Variants in PRIM2 observed in about 807,000 individuals in gnomAD.
PRIM2 encodes the protein DNA primase subunit 2, also known as DNA primase large subunit.
In PRIM2, 39 loss-of-function variants were observed where a neutral mutation model predicts 67.3. That is an observed-to-expected ratio of 0.58 (90% CI 0.45 to 0.76). PRIM2 has a LOEUF of 0.76. Among genes scored for constraint, PRIM2 ranks in the 30% least tolerant of loss-of-function variants. The probability of loss-of-function intolerance (pLI) is 0.00; values close to 1 mark genes in which losing one functional copy is unlikely to be tolerated. For missense variants in PRIM2, 398 were observed against 598.7 expected (o/e 0.66, Z 3.50); for synonymous variants, 143 against 198.7 (o/e 0.72, Z 2.36).
At position 57,568,790 on chromosome 6, in the gene PRIM2, A is replaced by G. The variant is rs1450323539; in HGVS notation, c.1020+31165A>G. On this transcript the variant is annotated intron_variant, in intron 10 of 13. Coordinates refer to ENST00000615550, the MANE Select transcript of PRIM2 (RefSeq NM_000947.5). ...CTTTGCTACAAATACATGCGTTTTC[A>G]ACTATGCTGGTTAAAGCCTGAGCAT... 4.3e-3 allele frequency among the ~76,000 whole-genome samples: 659 copies of G among 152,326 alleles called. 3 individuals are homozygous for G. The highest frequency in any genetic ancestry group is 0.014 in the African/African-American group (598 of 41,556).
At chr6:57,563,893 T>C (rs1260186985) in intron 10 of PRIM2, among the ~76,000 whole-genome samples, 1 of 152,192 alleles carries the variant, frequency 6.6e-6, no homozygotes, top group Non-Finnish European at 1.5e-5. Flanking sequence ...ACTCCTGCTC[T>C]GGTGATCCAC....
intron 7 of PRIM2, among the ~76,000 whole-genome samples, chr6:57,395,607 G>A (rs887495171): frequency 1.7e-4 from 26 of 152,042 alleles, no homozygotes; most frequent in East Asian, 3.9e-4. Context: ...CTTTTGAAAG[G>A]ACCAGCTTTT....
At chr6:57,629,705 G>A (rs1167612448) in intron 12 of PRIM2, among the ~76,000 whole-genome samples, 2 of 148,188 alleles carry the variant, frequency 1.3e-5, no homozygotes, top group Admixed American at 1.3e-4. Context: ...TTTCCAATCT[G>A]TTCCCAGCAC....
the PRIM2 span, among the ~76,000 whole-genome samples, chr6:57,226,289 T>C: frequency 6.6e-6 from 1 of 152,212 alleles, no homozygotes; most frequent in African/African-American, 2.4e-5. Context: ...GGAGCCCTAA[T>C]TTATGTTGGA....
chr6:57,431,742 T>C (rs1771837951), intron 7 of PRIM2, among the ~76,000 whole-genome samples: 1 of 152,188 alleles, frequency 6.6e-6, no homozygotes, highest in Non-Finnish European at 1.5e-5. Context: ...GATACTTTCA[T>C]AGAAAAGCTG....
intron 7 of PRIM2, among the ~76,000 whole-genome samples, chr6:57,402,297 C>T (rs1183370541): frequency 1.3e-5 from 2 of 152,188 alleles, no homozygotes; most frequent in African/African-American, 4.8e-5. Flanking sequence ...CCCAAACACA[C>T]CTGTAGTTGG....
At chr6:57,397,896 A>ATTT (rs35064816) in intron 7 of PRIM2, among the ~76,000 whole-genome samples, 6,078 of 118,730 alleles carry the variant, frequency 0.051, 441 homozygotes, top group African/African-American at 0.13. Flanking sequence ...GATCTTTCTA[A>ATTT]TTTTTTTTTT....
chr6:57,290,544 G>T, the PRIM2 span, among the ~76,000 whole-genome samples: 1 of 152,170 alleles, frequency 6.6e-6, no homozygotes, highest in African/African-American at 2.4e-5. Flanking sequence ...CAAATCAACA[G>T]AATATACATT....
chr6:57,643,471 C>CCT (rs1417461497), intron 13 of PRIM2, among the ~76,000 whole-genome samples: 2 of 152,136 alleles, frequency 1.3e-5, no homozygotes, highest in African/African-American at 4.8e-5. Context: ...TCTCCTTAGG[C>CCT]CTCTGTACAT....
intron 6 of PRIM2, among the ~76,000 whole-genome samples, chr6:57,380,350 C>T (rs560420665): frequency 1.8e-4 from 28 of 152,320 alleles, no homozygotes; most frequent in African/African-American, 5.3e-4. Context: ...TGCTGCCTTG[C>T]GTGGAAGCCC....
At chr6:57,250,741 G>A in the PRIM2 span, among the ~76,000 whole-genome samples, 1 of 152,136 alleles carries the variant, frequency 6.6e-6, no homozygotes, top group Non-Finnish European at 1.5e-5. Context: ...TGGTGGGCGA[G>A]CAAAAAGTGG....
At chr6:57,508,736 C>T (rs1394963576) in intron 8 of PRIM2, among the ~76,000 whole-genome samples, 2 of 152,176 alleles carry the variant, frequency 1.3e-5, no homozygotes, top group Non-Finnish European at 2.9e-5. Context: ...TGATCCTGTG[C>T]ATTTTGTTGG....
At chr6:57,460,447 C>T (rs576229778) in intron 7 of PRIM2, among the ~76,000 whole-genome samples, 2 of 151,960 alleles carry the variant, frequency 1.3e-5, no homozygotes, top group African/African-American at 4.8e-5. Context: ...GCAGTACTTC[C>T]GAAAACCATC....
chr6:57,391,069 A>G (rs532540450), intron 7 of PRIM2, among the ~76,000 whole-genome samples: 1 of 150,732 alleles, frequency 6.6e-6, no homozygotes, highest in Non-Finnish European at 1.5e-5. Flanking sequence ...ACTTCTTAGT[A>G]ATAGCCATTC....
At chr6:57,480,635 C>G (rs1320361933) in intron 7 of PRIM2, among the ~76,000 whole-genome samples, 1 of 152,098 alleles carries the variant, frequency 6.6e-6, no homozygotes, top group African/African-American at 2.4e-5. Flanking sequence ...ATTTTCTTTT[C>G]TTCTTCCTTT....
At chr6:57,412,987 TAATAAA>T (rs1771142206) in intron 7 of PRIM2, among the ~76,000 whole-genome samples, 1 of 152,162 alleles carries the variant, frequency 6.6e-6, no homozygotes, top group Non-Finnish European at 1.5e-5. Flanking sequence ...TTCATAAGCT[TAATAAA>T]AGAACCTCAA....
chr6:57,578,908 C>G (rs1390477234), intron 10 of PRIM2, among the ~76,000 whole-genome samples: 2 of 151,480 alleles, frequency 1.3e-5, no homozygotes, highest in Admixed American at 6.6e-5. Context: ...GATCTCCTGA[C>G]CTCGTGATCC....
chr6:57,480,773 C>T (rs1275415639), intron 7 of PRIM2, among the ~76,000 whole-genome samples: 2 of 152,228 alleles, frequency 1.3e-5, no homozygotes, highest in East Asian at 1.9e-4. Flanking sequence ...GTACTACAGA[C>T]GCATGTCACC....
chr6:57,527,407 A>G (rs1345366904), intron 8 of PRIM2, among the ~76,000 whole-genome samples: 2 of 152,168 alleles, frequency 1.3e-5, no homozygotes, highest in Non-Finnish European at 2.9e-5. Context: ...TCCTTCATCA[A>G]AGCATATCCA....
Sources: allele counts gnomAD v4.1 joint callset (sites outside exome capture counted in the v4.1 genomes callset), GRCh38; gene constraint gnomAD v4.1.1; transcripts MANE v1.5; gene names NCBI Gene and HGNC (gene_info 2026-07-23, HGNC 2026-07-21).